Variants in NPRL3 observed in about 807,000 individuals in gnomAD.
NPRL3 encodes the protein GATOR1 complex protein NPRL3.
A neutral mutation model predicts 57.2 loss-of-function variants in NPRL3; 23 were observed. The observed-to-expected ratio is 0.40, with a 90% CI of 0.29 to 0.57. The LOEUF (loss-of-function observed/expected upper bound fraction) is 0.57. Ranked by LOEUF, NPRL3 falls within the 20% of genes least tolerant of loss-of-function variation. NPRL3 has a pLI of 0.42. For synonymous variants in NPRL3, 333 were observed against 321.1 expected (o/e 1.04, Z -0.39); for missense variants, 691 against 767.1 (o/e 0.90, Z 1.17).
At chr16:123,818 C>T (rs942096898) in intron 3 of NPRL3, among the ~76,000 whole-genome samples, 4 of 143,266 alleles carry the variant, frequency 2.8e-5, no homozygotes, top group African/African-American at 5.3e-5. Context: ...CACACACTCC[C>T]CACGCTGAGA....
chr16:100,797 C>T (rs1179004235), intron 7 of NPRL3, among the ~76,000 whole-genome samples: 4 of 145,800 alleles, frequency 2.7e-5, no homozygotes, highest in Non-Finnish European at 4.5e-5. Flanking sequence ...ACGGTGAAAC[C>T]CCGTCTCTAC....
In NPRL3 at chr16:86,808, C is replaced by G. The variant is rs759994243; in HGVS notation, c.1607G>C (p.Arg536Pro). The change falls in exon 14 of 14, where the codon CGG becomes CCG. Residue 536 changes from arginine (R) to proline (P), a missense_variant. By Grantham distance (103) the Arg-to-Pro change is moderately radical (BLOSUM62 -2). Coordinates refer to ENST00000611875, the MANE Select transcript of NPRL3 (RefSeq NM_001077350.3). ...AAACAGCATGAGCAGCTGGGAGCGC[C>G]GCGTGTTCTCGTTGTACATAATCTC... is the stretch of plus-strand genomic sequence containing the variant. Reference protein sequence around the residue: ...LEEIMYNENTRRSQLLMLFDK... With the variant: ...LEEIMYNENTPRSQLLMLFDK... 3 of 1,612,472 alleles carry G rather than the reference C, an allele frequency of 1.9e-6. No individual in the cohort carries two copies. In the East Asian group the frequency reaches 6.7e-5, roughly 36 times the overall value.
intron 13 of NPRL3, among the ~76,000 whole-genome samples, chr16:87,981 C>T (rs1202928010): frequency 6.6e-6 from 1 of 151,914 alleles, no homozygotes; most frequent in African/African-American, 2.4e-5. Context: ...AGACCTGGAC[C>T]AGCTGCTCAG....
intron 7 of NPRL3, among the ~76,000 whole-genome samples, chr16:105,361 C>T (rs1023437042): frequency 1.3e-5 from 2 of 152,200 alleles, no homozygotes; most frequent in Admixed American, 6.5e-5. Flanking sequence ...CCTCTGCATC[C>T]TCTGGTCCCA....
intron 9 of NPRL3, among the ~76,000 whole-genome samples, chr16:97,146 ATT>A (rs932596926): frequency 2.6e-5 from 4 of 152,218 alleles, no homozygotes; most frequent in African/African-American, 9.6e-5. Context: ...CTCAGGCAGT[ATT>A]TCAATGGTCC....
intron 3 of NPRL3, among the ~76,000 whole-genome samples, chr16:123,125 C>T (rs1200959189): frequency 6.6e-6 from 1 of 152,202 alleles, no homozygotes; most frequent in East Asian, 1.9e-4. Context: ...GCAACAGTCA[C>T]AGGTCTCTCT....
chr16:92,351 G>A (rs901532766), intron 11 of NPRL3, among the ~76,000 whole-genome samples: 2 of 152,228 alleles, frequency 1.3e-5, no homozygotes, highest in African/African-American at 4.8e-5. Flanking sequence ...GCCACAGCCA[G>A]GGTGGGCTCT....
At position 86,670 on chromosome 16, in the gene NPRL3, G is replaced by A; in HGVS notation, c.*35C>T. The A allele has an allele frequency of 1.3e-6, 2 of 1,527,320 alleles. No homozygotes were observed. Among genetic ancestry groups the A allele is most frequent in the Non-Finnish European group, 1.8e-6 (2 of 1,134,004 alleles). 94.6% of individuals were successfully genotyped at this position (1,527,320 alleles called of 1,614,324 possible). On this transcript the variant is annotated 3_prime_UTR_variant, in exon 14 of 14. Transcript: ENST00000611875. Reference sequence around the variant, plus strand: ...GGTGGGGAGACGCGAGCGCCCACCTGCGCACCCCAGCAGCCTTCCGCCCTC... The same window carrying A: ...GGTGGGGAGACGCGAGCGCCCACCTACGCACCCCAGCAGCCTTCCGCCCTC...
chr16:105,015 G>A (rs1245976473), intron 7 of NPRL3, among the ~76,000 whole-genome samples: 1 of 152,192 alleles, frequency 6.6e-6, no homozygotes, highest in African/African-American at 2.4e-5. Flanking sequence ...TGCCGAGCTT[G>A]CACTTCTATT....
chr16:113,538 C>G (rs151110464), intron 5 of NPRL3, among the ~76,000 whole-genome samples: 11 of 152,288 alleles, frequency 7.2e-5, no homozygotes, highest in African/African-American at 2.2e-4. Flanking sequence ...GCCAGGCAAG[C>G]ACATCTGCCC....
At chr16:91,263 C>T (rs891499850) in intron 11 of NPRL3, among the ~76,000 whole-genome samples, 1 of 151,892 alleles carries the variant, frequency 6.6e-6, no homozygotes, top group South Asian at 2.1e-4. Flanking sequence ...CCTGTAAACC[C>T]AGCTACTCGG....
At chr16:89,066 T>G (rs1189983518) in intron 12 of NPRL3, 176 bp from the exon 13 acceptor site, 3 of 624,790 alleles carry the variant, frequency 4.8e-6, no homozygotes, top group Non-Finnish European at 8.4e-6. Context: ...ACGCCCCTCA[T>G]ACGGCTGACT....
intron 2 of NPRL3, among the ~76,000 whole-genome samples, chr16:136,587 G>C (rs56152922): frequency 0.016 from 2,478 of 151,874 alleles, 36 homozygotes; most frequent in Middle Eastern, 0.048. Flanking sequence ...AGCTACTCGG[G>C]AGGCTGAGGC....
At chr16:111,940 G>A (rs944601793) in intron 6 of NPRL3, among the ~76,000 whole-genome samples, 1 of 152,152 alleles carries the variant, frequency 6.6e-6, no homozygotes. Flanking sequence ...TTTGTTACAG[G>A]TGTCTCTTTA....
intron 2 of NPRL3, among the ~76,000 whole-genome samples, chr16:136,500 C>T (rs576275903): frequency 1.7e-4 from 26 of 151,626 alleles, no homozygotes; most frequent in South Asian, 1.3e-3. Flanking sequence ...CCAGCCTGGC[C>T]AACATGGTGA....
intron 13 of NPRL3, among the ~76,000 whole-genome samples, chr16:87,868 CTTTTT>C (rs35061088): frequency 3.8e-4 from 52 of 137,478 alleles, no homozygotes; most frequent in Admixed American, 5.8e-4. Flanking sequence ...CCGCGCCTGA[CTTTTT>C]TTTTTTTTTT....
intron 2 of NPRL3, among the ~76,000 whole-genome samples, chr16:134,475 A>G (rs939485252): frequency 6.6e-6 from 1 of 152,186 alleles, no homozygotes; most frequent in Non-Finnish European, 1.5e-5. Flanking sequence ...CATTTTCCTG[A>G]ACGGGAAGAT....
rs770854016 is a variant in NPRL3 at position 93,373 on chromosome 16, C to T, written c.925-48G>A. ...AAGGACCATGCCTGAGGCTGGCCCA[C>T]CGGGAGCTGTCAGCAGCTCTCAGCC... On this transcript the variant is annotated intron_variant, in intron 9 of 13. Coordinates refer to ENST00000611875, the MANE Select transcript of NPRL3 (RefSeq NM_001077350.3). 57 of 1,280,450 alleles carry T rather than the reference C, an allele frequency of 4.5e-5. No homozygotes were observed. In the South Asian group the frequency reaches 5.3e-4, roughly 12 times the overall value. The allele number at this position is 1,280,450 out of a possible 1,614,324, so 79.3% of individuals were successfully genotyped here.
At position 119,322 on chromosome 16, in the gene NPRL3, C is replaced by A. The variant is rs370684672; in HGVS notation, c.189-67G>T. The A allele has an allele frequency of 4.3e-5, 64 of 1,496,332 alleles. 2 individuals carry two copies. The highest frequency in any genetic ancestry group is 3.9e-4 in the East Asian group (16 of 40,996). 92.7% of individuals were successfully genotyped at this position (1,496,332 alleles called of 1,614,324 possible). On this transcript the variant is annotated intron_variant, in intron 3 of 13. Transcript: ENST00000611875. ...ATACCACAGCACCATGCCCTGCTGG[C>A]CCCAGAGCGGAAGGGTCTCAGTAAA...
Sources: gnomAD v4.1 joint callset for allele counts (sites outside exome capture counted in the v4.1 genomes callset) on GRCh38, gnomAD v4.1.1 for gene constraint, MANE v1.5 for transcripts, NCBI Gene and HGNC (gene_info 2026-07-23, HGNC 2026-07-21) for gene names.